The following PAM variants were observed in gnomAD, a reference collection of about 807,000 sequenced individuals.
The protein encoded by PAM is peptidylglycine alpha-amidating monooxygenase.
PAM carries 72 observed loss-of-function variants against 122.1 expected under a neutral mutation model. The observed-to-expected ratio is 0.59, with a 90% CI of 0.49 to 0.72. The LOEUF is 0.72. Among genes scored for constraint, PAM ranks in the 30% least tolerant of loss-of-function variants. The probability of loss-of-function intolerance (pLI) is 0.00; values close to 1 mark genes in which losing one functional copy is unlikely to be tolerated. For synonymous variants in PAM, 389 were observed against 404.4 expected (o/e 0.96, Z 0.46); for missense variants, 1,106 against 1,183.7 (o/e 0.93, Z 0.96).
chr5:102,964,267 C>G (rs1374766327), intron 14 of PAM, among the ~76,000 whole-genome samples: 1 of 151,904 alleles, frequency 6.6e-6, no homozygotes, highest in Non-Finnish European at 1.5e-5. Flanking sequence ...GAATATTAAT[C>G]TTGATTAGAA....
chr5:102,909,758 G>A (rs1800814286), intron 4 of PAM, among the ~76,000 whole-genome samples: 1 of 151,824 alleles, frequency 6.6e-6, no homozygotes, highest in South Asian at 2.1e-4. Context: ...AAATACCCAT[G>A]ATATGCAAGC....
intron 12 of PAM, among the ~76,000 whole-genome samples, 172 bp downstream of exon 12, chr5:102,950,992 A>T (rs1417469417): frequency 6.6e-6 from 1 of 152,106 alleles, no homozygotes; most frequent in Non-Finnish European, 1.5e-5. Flanking sequence ...TAAACCCCAG[A>T]ACATGTGCTC....
intron 16 of PAM, among the ~76,000 whole-genome samples, chr5:103,001,267 G>A (rs1036829385): frequency 6.6e-6 from 1 of 151,990 alleles, no homozygotes; most frequent in East Asian, 1.9e-4. Flanking sequence ...TCAGATATAG[G>A]ATAAATTATT....
chr5:102,950,416 G>GGGGTGTGTGTGTGTGTGTGTGT (rs372626572), intron 11 of PAM, among the ~76,000 whole-genome samples: 28 of 146,060 alleles, frequency 1.9e-4, no homozygotes, highest in African/African-American at 5.4e-4. Flanking sequence ...TATGTGGGTG[G>GGGGTGTGTGTGTGTGTGTGTGT]GTGTGTGTGT....
intron 1 of PAM, among the ~76,000 whole-genome samples, chr5:102,835,868 A>G (rs577343598): frequency 3.3e-5 from 5 of 152,278 alleles, no homozygotes; most frequent in East Asian, 1.9e-4. Context: ...AGAAATTGCT[A>G]TATATTATAG....
chr5:102,959,830 T>G (rs1373751483), intron 12 of PAM, 45 bp from the exon 13 acceptor site: 2 of 1,379,116 alleles, frequency 1.5e-6, no homozygotes, highest in Non-Finnish European at 2.1e-6. Context: ...TAAGCATGTG[T>G]TTTATGTGAA....
Position 102,866,142 on chromosome 5 carries a change from A to T in PAM, c.-54A>T. On this transcript the variant is annotated 5_prime_UTR_variant, in exon 2 of 26. Transcript: ENST00000438793. ...GCGCCGCTGCCCAACCGCCAGCCCC[A>T]GCCCCGCGCTGCGCTGCCCGGTCCT... 7.7e-7 allele frequency: 1 copy of T among 1,303,278 alleles called. No individual in the cohort carries two copies. Among genetic ancestry groups the T allele is most frequent in the Non-Finnish European group, 1.1e-6 (1 of 908,412 alleles). The allele number at this position is 1,303,278 out of a possible 1,614,324, so 80.7% of individuals were successfully genotyped here. A position where few individuals can be genotyped will look rare whatever the true frequency, so the allele number is the denominator to read the frequency against.
intron 3 of PAM, among the ~76,000 whole-genome samples, chr5:102,878,671 C>A (rs1375371546): frequency 6.6e-6 from 1 of 151,764 alleles, no homozygotes; most frequent in African/African-American, 2.4e-5. Flanking sequence ...ATAATCTTGA[C>A]CTGTGCAGGC....
intron 1 of PAM, among the ~76,000 whole-genome samples, chr5:102,784,981 G>A (rs191355575): frequency 6.6e-6 from 1 of 152,298 alleles, no homozygotes; most frequent in East Asian, 1.9e-4. Context: ...CAACAAAAAA[G>A]CAATGCCCGC....
At chr5:102,797,997 G>A (rs1019708835) in intron 1 of PAM, among the ~76,000 whole-genome samples, 2 of 152,014 alleles carry the variant, frequency 1.3e-5, no homozygotes, top group Non-Finnish European at 2.9e-5. Context: ...TTCAAATTTT[G>A]TGTGAAAATA....
chr5:102,785,136 G>A (rs1358949944), intron 1 of PAM, among the ~76,000 whole-genome samples: 1 of 152,198 alleles, frequency 6.6e-6, no homozygotes, highest in Non-Finnish European at 1.5e-5. Flanking sequence ...ATCCCAAGTA[G>A]TTTTAATGCA....
At chr5:103,018,052 C>T (rs996230546) in intron 22 of PAM, among the ~76,000 whole-genome samples, 7 of 152,256 alleles carry the variant, frequency 4.6e-5, no homozygotes, top group Admixed American at 2.0e-4. Flanking sequence ...AGCAGACTAA[C>T]TTTTAACCCC....
chr5:102,959,212 G>T (rs1031278624), intron 12 of PAM, among the ~76,000 whole-genome samples: 6 of 152,002 alleles, frequency 3.9e-5, no homozygotes, highest in Non-Finnish European at 8.8e-5. Flanking sequence ...CCTTAAAAAA[G>T]ATTAGTGCTG....
At chr5:102,843,692 G>A (rs1779251539) in intron 1 of PAM, among the ~76,000 whole-genome samples, 1 of 152,104 alleles carries the variant, frequency 6.6e-6, no homozygotes, top group South Asian at 2.1e-4. Context: ...TAGAAAATGG[G>A]CAAAGGACAT....
chr5:102,945,162 TAG>T (rs1198321641), intron 7 of PAM, among the ~76,000 whole-genome samples: 1 of 152,124 alleles, frequency 6.6e-6, no homozygotes, highest in Admixed American at 6.6e-5. Context: ...GTAGACTACT[TAG>T]AGTTTCTTAC....
intron 4 of PAM, among the ~76,000 whole-genome samples, chr5:102,903,518 A>G (rs761975017): frequency 6.6e-6 from 1 of 151,546 alleles, no homozygotes; most frequent in African/African-American, 2.4e-5. Context: ...AGAAACATCT[A>G]TATCTGTGAC....
intron 14 of PAM, among the ~76,000 whole-genome samples, chr5:102,962,036 A>T (rs1380409418): frequency 6.6e-6 from 1 of 151,944 alleles, no homozygotes; most frequent in East Asian, 1.9e-4. Flanking sequence ...TATTAGCAAC[A>T]TGTAGAAGTT....
At chr5:102,950,649 C>G (rs1397640633) in intron 11 of PAM, 68 bp from the exon 12 acceptor site, 18 of 940,812 alleles carry the variant, frequency 1.9e-5, no homozygotes, top group African/African-American at 3.2e-5. Context: ...TACCTCAACA[C>G]AGTCAAACAT....
intron 22 of PAM, among the ~76,000 whole-genome samples, chr5:103,018,908 C>T (rs963171508): frequency 3.9e-5 from 6 of 152,136 alleles, no homozygotes; most frequent in African/African-American, 7.2e-5. Context: ...ACAAGGAGCA[C>T]GCAACCTAGA....
Sources: allele counts gnomAD v4.1 joint callset (sites outside exome capture counted in the v4.1 genomes callset), GRCh38; gene constraint gnomAD v4.1.1; transcripts MANE v1.5; gene names NCBI Gene and HGNC (gene_info 2026-07-23, HGNC 2026-07-21).